Variants in CCDC171 observed in about 807,000 individuals in gnomAD.
CCDC171 encodes coiled-coil domain containing 171.
A neutral mutation model predicts 168.2 loss-of-function variants in CCDC171; 177 were observed. The observed-to-expected ratio is 1.05, with a 90% CI of 0.93 to 1.19. The LOEUF (loss-of-function observed/expected upper bound fraction) is 1.19, where lower values mean the gene tolerates loss of function less well. CCDC171 is among the 50% of genes most tolerant of loss of function. The pLI is 0.00. For synonymous variants in CCDC171, 687 were observed against 540.8 expected (o/e 1.27, Z -3.75); for missense variants, 1,991 against 1,539.0 (o/e 1.29, Z -4.91).
intron 3 of CCDC171, among the ~76,000 whole-genome samples, chr9:15,996,307 C>T (rs1427448969): frequency 6.6e-6 from 1 of 151,780 alleles, no homozygotes; most frequent in Non-Finnish European, 1.5e-5. Flanking sequence ...GCTGTTGGTG[C>T]GCCTGGCCGG....
chr9:15,564,541 A>C (rs2039570599), intron 2 of CCDC171, among the ~76,000 whole-genome samples: 1 of 152,150 alleles, frequency 6.6e-6, no homozygotes, highest in Non-Finnish European at 1.5e-5. Flanking sequence ...ATTTAGTCTT[A>C]GCTCCTGTTG....
chr9:15,804,358 G>A (rs1025007551), intron 21 of CCDC171, among the ~76,000 whole-genome samples: 1 of 152,000 alleles, frequency 6.6e-6, no homozygotes, highest in Non-Finnish European at 1.5e-5. Context: ...GTATGATATT[G>A]GCTGTGTTTT....
intron 3 of CCDC171, among the ~76,000 whole-genome samples, chr9:15,983,750 A>G (rs1231214576): frequency 6.7e-6 from 1 of 150,206 alleles, no homozygotes; most frequent in African/African-American, 2.4e-5. Flanking sequence ...ATGAGAATAA[A>G]TCTATAATAA....
intron 7 of CCDC171, among the ~76,000 whole-genome samples, chr9:15,651,819 T>C (rs1486166137): frequency 6.6e-6 from 1 of 152,002 alleles, no homozygotes; most frequent in Non-Finnish European, 1.5e-5. Flanking sequence ...TTTTAATTTC[T>C]ATGAAGTTGT....
chr9:15,632,480 C>T lies in CCDC171; in HGVS notation c.822+9067C>T, dbSNP rs564178572. 1.8e-4 allele frequency among the ~76,000 whole-genome samples: 27 copies of T among 152,172 alleles called. No homozygotes were observed. The South Asian group carries it at 5.4e-3, about 30-fold the overall frequency. On this transcript the variant is annotated intron_variant, in intron 7 of 25. Coordinates refer to ENST00000380701, the MANE Select transcript of CCDC171 (RefSeq NM_173550.4). Reference sequence around the variant, plus strand: ...AACTTACAAGGGATGTGAAGGACCTCTTCAAGGAGAGCTACAAACCACTGC... The same window carrying T: ...AACTTACAAGGGATGTGAAGGACCTTTTCAAGGAGAGCTACAAACCACTGC...
intron 3 of CCDC171, among the ~76,000 whole-genome samples, chr9:16,005,526 G>A (rs1057121084): frequency 6.6e-6 from 1 of 152,100 alleles, no homozygotes; most frequent in African/African-American, 2.4e-5. Flanking sequence ...GTATCTGCAG[G>A]TTCTACGTCT....
At chr9:16,030,843 C>A (rs1833354604) in intron 6 of CCDC171, among the ~76,000 whole-genome samples, 2 of 152,190 alleles carry the variant, frequency 1.3e-5, no homozygotes, top group South Asian at 4.1e-4. Context: ...TCCTGGCTTT[C>A]CATCTGGGGA....
chr9:15,950,696 T>C (rs1457147851), intron 25 of CCDC171, among the ~76,000 whole-genome samples: 1 of 150,062 alleles, frequency 6.7e-6, no homozygotes, highest in Admixed American at 6.6e-5. Context: ...CCATCGAGAC[T>C]AGGAAGACAC....
intron 21 of CCDC171, among the ~76,000 whole-genome samples, chr9:15,809,343 A>C (rs1004244093): frequency 1.3e-5 from 2 of 152,242 alleles, no homozygotes; most frequent in Non-Finnish European, 2.9e-5. Flanking sequence ...TTAAATTAAA[A>C]TGAAATGAGA....
intron 25 of CCDC171, among the ~76,000 whole-genome samples, chr9:15,949,365 A>C (rs1041386987): frequency 6.6e-6 from 1 of 152,152 alleles, no homozygotes; most frequent in African/African-American, 2.4e-5. Context: ...GAAGAAAGTC[A>C]TTAGTAGCTT....
intron 25 of CCDC171, among the ~76,000 whole-genome samples, chr9:15,944,550 C>G (rs1401252666): frequency 6.6e-6 from 1 of 151,896 alleles, no homozygotes; most frequent in East Asian, 1.9e-4. Context: ...TTTTTATGAA[C>G]TCTTATTATG....
intron 3 of CCDC171, among the ~76,000 whole-genome samples, chr9:16,001,180 AGG>A (rs1178141936): frequency 6.6e-6 from 1 of 152,222 alleles, no homozygotes; most frequent in Non-Finnish European, 1.5e-5. Flanking sequence ...ACCAACTGAC[AGG>A]AGTGCATGAT....
In CCDC171 at chr9:16,017,489, T is replaced by C. The variant is rs943650839; in HGVS notation, n.369-3100T>C. 6.6e-5 allele frequency among the ~76,000 whole-genome samples: 10 copies of C among 152,250 alleles called. No homozygotes were observed. In the East Asian group the frequency reaches 1.9e-3, roughly 29 times the overall value. ...TGAACCTCATAGTCCATACAACTTT[T>C]AAAATATATTTTAAAGCTAGAATTC... is the stretch of plus-strand genomic sequence containing the variant. On this transcript the variant is annotated intron_variant and non_coding_transcript_variant, in intron 3 of 9. Transcript: ENST00000486641.
intron 23 of CCDC171, among the ~76,000 whole-genome samples, chr9:15,859,356 G>A (rs76670586): frequency 1.9e-4 from 29 of 151,220 alleles, no homozygotes; most frequent in African/African-American, 6.1e-4. Flanking sequence ...TTTTTTTCTT[G>A]TGATGTCCTT....
At chr9:16,060,827 C>T (rs2133086366) in exon 2 of CCDC171, 1 of 152,352 alleles carries the variant, frequency 6.6e-6, no homozygotes, top group African/African-American at 2.4e-5. Context: ...ATTAATAACA[C>T]AGATCTCTTT....
At chr9:15,634,243 T>A (rs1397377457) in intron 7 of CCDC171, among the ~76,000 whole-genome samples, 1 of 152,122 alleles carries the variant, frequency 6.6e-6, no homozygotes, top group Non-Finnish European at 1.5e-5. Flanking sequence ...TTTTTTTAAC[T>A]TTTAAAAAAA....
intron 24 of CCDC171, among the ~76,000 whole-genome samples, chr9:15,910,284 A>G (rs181661806): frequency 1.3e-5 from 2 of 152,290 alleles, no homozygotes; most frequent in African/African-American, 2.4e-5. Flanking sequence ...GCTACAACAG[A>G]CATATGAATG....
chr9:15,806,651 TAACA>T (rs960285077), intron 21 of CCDC171, among the ~76,000 whole-genome samples: 23 of 152,126 alleles, frequency 1.5e-4, no homozygotes, highest in African/African-American at 5.3e-4. Flanking sequence ...TAGCTAACTT[TAACA>T]TTCTTTTTTT....
At chr9:15,618,867 C>G (rs2044294908) in intron 6 of CCDC171, among the ~76,000 whole-genome samples, 2 of 151,782 alleles carry the variant, frequency 1.3e-5, no homozygotes, top group African/African-American at 4.8e-5. Flanking sequence ...GTGAGATGAA[C>G]TGTGTACCTC....
Sources: allele counts gnomAD v4.1 joint callset (sites outside exome capture counted in the v4.1 genomes callset), GRCh38; gene constraint gnomAD v4.1.1; transcripts MANE v1.5; gene names NCBI Gene and HGNC (gene_info 2026-07-23, HGNC 2026-07-21).